MIPOL1: variants seen among roughly 807,000 people sequenced by gnomAD.
The protein encoded by MIPOL1 is mirror-image polydactyly gene 1 protein.
In MIPOL1, 57 loss-of-function variants were observed where a neutral mutation model predicts 60.9. That is an observed-to-expected ratio of 0.94 (90% CI 0.76 to 1.17). The LOEUF is 1.17. Among genes scored for constraint, MIPOL1 ranks in the 50% most tolerant of loss-of-function variants. The pLI, the probability that MIPOL1 is intolerant of heterozygous loss-of-function variation, is 0.00. For missense variants in MIPOL1, 551 were observed against 511.6 expected, an observed-to-expected ratio of 1.08 and a Z score of -0.74; for synonymous variants, 179 against 168.8, an observed-to-expected ratio of 1.06 and a Z score of -0.47.
intron 9 of MIPOL1, among the ~76,000 whole-genome samples, chr14:37,351,422 C>G (rs2091363853): frequency 6.6e-6 from 1 of 151,264 alleles, no homozygotes; most frequent in Non-Finnish European, 1.5e-5. Flanking sequence ...GGGTATATAC[C>G]CAGTAATGGG....
chr14:37,285,477 A>G (rs369510602), intron 7 of MIPOL1, 30 bp downstream of exon 7: 2 of 1,603,158 alleles, frequency 1.2e-6, no homozygotes, highest in Non-Finnish European at 8.5e-7. Flanking sequence ...TCAGTATGAT[A>G]TTAGGAACAC....
intron 7 of MIPOL1, among the ~76,000 whole-genome samples, chr14:37,294,418 G>A (rs531064612): frequency 1.3e-5 from 2 of 152,270 alleles, no homozygotes; most frequent in Non-Finnish European, 2.9e-5. Flanking sequence ...TCCTCCAAAG[G>A]AACGCAGCTC....
chr14:37,241,557 C>T (rs891821626), intron 1 of MIPOL1, among the ~76,000 whole-genome samples: 1 of 13,886 alleles, frequency 7.2e-5, no homozygotes, highest in African/African-American at 3.2e-4. Flanking sequence ...GTCTCTATTA[C>T]GGGTGCGGCA....
intron 9 of MIPOL1, among the ~76,000 whole-genome samples, chr14:37,341,116 A>G (rs1415300612): frequency 6.6e-6 from 1 of 152,202 alleles, no homozygotes; most frequent in African/African-American, 2.4e-5. Context: ...AAAATAGCCT[A>G]ATTATGCATT....
At chr14:37,454,984 C>G (rs1038955323) in intron 11 of MIPOL1, among the ~76,000 whole-genome samples, 1 of 152,078 alleles carries the variant, frequency 6.6e-6, no homozygotes, top group East Asian at 1.9e-4. Flanking sequence ...CTTGAACTGC[C>G]TCTACATACT....
chr14:37,413,836 C>G (rs1443215670), intron 10 of MIPOL1, among the ~76,000 whole-genome samples: 1 of 152,130 alleles, frequency 6.6e-6, no homozygotes, highest in Non-Finnish European at 1.5e-5. Context: ...TGTTTTATCC[C>G]ATAAACGTAG....
intron 7 of MIPOL1, among the ~76,000 whole-genome samples, chr14:37,303,497 A>G (rs1595026047): frequency 6.6e-6 from 1 of 152,038 alleles, no homozygotes; most frequent in East Asian, 1.9e-4. Context: ...AATTGAGCCT[A>G]TCATTCTTCC....
At chr14:37,447,756 T>C (rs1397062503) in intron 11 of MIPOL1, among the ~76,000 whole-genome samples, 1 of 152,160 alleles carries the variant, frequency 6.6e-6, no homozygotes, top group Non-Finnish European at 1.5e-5. Flanking sequence ...GCAGCTAGAG[T>C]CAACATAACT....
intron 7 of MIPOL1, among the ~76,000 whole-genome samples, chr14:37,306,365 A>G (rs530497198): frequency 1.3e-5 from 2 of 152,010 alleles, no homozygotes; most frequent in South Asian, 4.1e-4. Flanking sequence ...GAGATTTATA[A>G]CCTTGGTAAC....
At chr14:37,360,962 A>G (rs563481900) in intron 9 of MIPOL1, among the ~76,000 whole-genome samples, 4 of 152,342 alleles carry the variant, frequency 2.6e-5, no homozygotes, top group African/African-American at 9.6e-5. Flanking sequence ...ATTTAGTGCT[A>G]TAAATTTCCG....
chr14:37,515,907 C>G (rs1003682179), intron 12 of MIPOL1, among the ~76,000 whole-genome samples: 3 of 152,094 alleles, frequency 2.0e-5, no homozygotes, highest in Non-Finnish European at 4.4e-5. Flanking sequence ...GTGGCTAAGA[C>G]CCAGTAGTCA....
intron 1 of MIPOL1, among the ~76,000 whole-genome samples, chr14:37,239,946 G>A (rs74390803): frequency 0.034 from 5,228 of 152,192 alleles, 229 homozygotes; most frequent in East Asian, 0.24. Flanking sequence ...AATGAAGTAC[G>A]TAGGTTGCAT....
Position 37,550,695 on chromosome 14 carries a change from C to T in MIPOL1, c.*3724C>T, listed in dbSNP as rs2153645586. 1 of 152,552 alleles carries T rather than the reference C, an allele frequency of 6.6e-6. No individual in the cohort carries two copies. Among genetic ancestry groups the T allele is most frequent in the Admixed American group, 6.5e-5 (1 of 15,274 alleles). 9.4% of individuals were successfully genotyped at this position (152,552 alleles called of 1,614,324 possible). A position where few individuals can be genotyped will look rare whatever the true frequency, so the allele number is the denominator to read the frequency against. On this transcript the variant is annotated 3_prime_UTR_variant, in exon 13 of 13. Transcript: ENST00000684589. The stretch of plus-strand genomic sequence containing the variant: ...TTTGCTCGTGCTTAGCTAAATATGT[C>T]ATCTCTAGAAAAGATGTGGTTTGTT...
intron 3 of MIPOL1, among the ~76,000 whole-genome samples, chr14:37,249,357 G>A (rs1222158047): frequency 2.6e-5 from 4 of 152,012 alleles, no homozygotes; most frequent in African/African-American, 9.7e-5. Context: ...TTTGAGGACC[G>A]TTCTATAATC....
In MIPOL1 at chr14:37,550,632, G is replaced by C. The variant is rs1037426237; in HGVS notation, c.*3661G>C. 3 of 152,002 alleles carry C rather than the reference G, an allele frequency of 2.0e-5. No homozygotes were observed. The highest frequency in any genetic ancestry group is 7.3e-5 in the African/African-American group (3 of 41,126). The allele number at this position is 152,002 out of a possible 1,614,324, so 9.4% of individuals were successfully genotyped here. ...ATTGGAAATGCACGTGGTTTCTTAG[G>C]CTTTTAAACAAATACATGGAATGGT... On this transcript the variant is annotated 3_prime_UTR_variant, in exon 13 of 13. Coordinates refer to ENST00000684589, the MANE Select transcript of MIPOL1 (RefSeq NM_001388067.1).
intron 12 of MIPOL1, among the ~76,000 whole-genome samples, chr14:37,521,701 C>A (rs888431270): frequency 1.3e-5 from 2 of 151,874 alleles, no homozygotes; most frequent in Non-Finnish European, 2.9e-5. Flanking sequence ...GGATCTCTTC[C>A]AGTACTCCAC....
At chr14:37,444,445 T>C (rs2094300308) in intron 11 of MIPOL1, among the ~76,000 whole-genome samples, 1 of 152,188 alleles carries the variant, frequency 6.6e-6, no homozygotes, top group South Asian at 2.1e-4. Flanking sequence ...GTGATATCAA[T>C]TCTCTCCAAA....
At chr14:37,274,113 T>C (rs1370732013) in intron 6 of MIPOL1, among the ~76,000 whole-genome samples, 1 of 151,488 alleles carries the variant, frequency 6.6e-6, no homozygotes, top group African/African-American at 2.4e-5. Flanking sequence ...AGTTGAGATA[T>C]AGATATTTAA....
intron 1 of MIPOL1, among the ~76,000 whole-genome samples, chr14:37,237,609 A>C (rs541401713): frequency 2.0e-5 from 3 of 152,262 alleles, no homozygotes; most frequent in South Asian, 4.1e-4. Flanking sequence ...TTTTTAAAAA[A>C]AGTTTTATTG....
Sources: gnomAD v4.1 joint callset for allele counts (sites outside exome capture counted in the v4.1 genomes callset) on GRCh38, gnomAD v4.1.1 for gene constraint, MANE v1.5 for transcripts, NCBI Gene and HGNC (gene_info 2026-07-23, HGNC 2026-07-21) for gene names.